GTPBP6: variants seen among roughly 807,000 people sequenced by gnomAD.
The protein encoded by GTPBP6 is GTP binding protein 6, also known as putative GTP-binding protein 6.
Under a neutral mutation model 28.9 loss-of-function variants are expected in GTPBP6, and 33 were observed. The ratio of observed to expected loss-of-function variants is 1.14; its 90% CI spans 0.87 to 1.53. GTPBP6 has a LOEUF of 1.53. Among genes scored for constraint, GTPBP6 ranks in the 40% most tolerant of loss-of-function variants. The pLI is 0.00. For missense variants in GTPBP6, 507 were observed against 408.3 expected (o/e 1.24, Z -2.08); for synonymous variants, 231 against 192.7 (o/e 1.20, Z -1.65).
chrX:317,325 C>T (rs2070456288), intron 1 of GTPBP6, among the ~76,000 whole-genome samples: 1 of 150,198 alleles, frequency 6.7e-6, no homozygotes, highest in African/African-American at 2.5e-5. Context: ...CCGGGAGCTG[C>T]GGGTGCTCAG....
chrX:315,612 C>G (rs2070418007), intron 2 of GTPBP6, among the ~76,000 whole-genome samples: 2 of 150,088 alleles, frequency 1.3e-5, no homozygotes, highest in African/African-American at 2.5e-5. Context: ...CAGGGACAGA[C>G]ACAGACACAC....
chrX:315,094 G>A (rs1397011155), intron 3 of GTPBP6, 74 bp from the exon 4 acceptor site: 122 of 398,598 alleles, frequency 3.1e-4, no homozygotes, highest in Non-Finnish European at 2.4e-4. Flanking sequence ...GAGGAAGGAG[G>A]ACGTCTCTAA....
intron 2 of GTPBP6, among the ~76,000 whole-genome samples, chrX:316,148 G>C (rs1263361394): frequency 0.24 from 1,701 of 7,026 alleles, 234 homozygotes; most frequent in Non-Finnish European, 0.38. Flanking sequence ...CACACACACA[G>C]TAAATACATC....
At chrX:305,010 G>A (rs1408857782) in exon 10 of GTPBP6, 1 of 1,590,162 alleles carries the variant, frequency 6.3e-7, no homozygotes, top group East Asian at 2.3e-5. Flanking sequence ...CCCCAACACA[G>A]CGGTAACGCC....
At chrX:311,319 GGTGTCCGAGGGCCCGACCCCTGGCTGTGT>G (rs2070288506) in intron 7 of GTPBP6, 71 bp downstream of exon 7, 14 of 739,072 alleles carry the variant, frequency 1.9e-5, no homozygotes, top group Non-Finnish European at 2.6e-5. Context: ...GGGCTGAGTG[GGTGTCCGAGGGCCCGACCCCTGGCTGTGT>G]GTGTCTGAGT....
chrX:308,001 C>T (rs1312119795), intron 7 of GTPBP6, 121 bp from the exon 8 acceptor site: 16 of 878,338 alleles, frequency 1.8e-5, no homozygotes, highest in East Asian at 6.1e-5. Context: ...ATGGGAGGTA[C>T]GCCTGTGTGC....
At chrX:315,194 C>T (rs1164635694) in intron 3 of GTPBP6, 35 bp downstream of exon 3, 18 of 398,664 alleles carry the variant, frequency 4.5e-5, no homozygotes, top group East Asian at 2.9e-4. Flanking sequence ...GCGTGGAGTG[C>T]GGGGACAAAC....
At chrX:309,727 C>T (rs1251671407) in intron 7 of GTPBP6, among the ~76,000 whole-genome samples, 2 of 142,660 alleles carry the variant, frequency 1.4e-5, no homozygotes, top group Admixed American at 7.2e-5. Flanking sequence ...TCACCTAGAG[C>T]CTCCAGAAGG....
At chrX:315,679 AAC>A (rs2070420459) in intron 2 of GTPBP6, among the ~76,000 whole-genome samples, 14 of 32,068 alleles carry the variant, frequency 4.4e-4, no homozygotes, top group Non-Finnish European at 4.6e-4. Context: ...CAGGGACACA[AAC>A]ACATACACAC....
At chrX:305,659 T>A (rs2070146479) in intron 9 of GTPBP6, among the ~76,000 whole-genome samples, 1 of 144,200 alleles carries the variant, frequency 6.9e-6, no homozygotes, top group Non-Finnish European at 1.5e-5. Flanking sequence ...AGAGTCTCGC[T>A]CTGTCGCCAG....
exon 9 of GTPBP6, chrX:307,372 C>G: frequency 3.1e-6 from 5 of 1,612,292 alleles, no homozygotes; most frequent in African/African-American, 1.3e-5. Flanking sequence ...GAGCTGCGCC[C>G]CTGCGAGCCT....
intron 7 of GTPBP6, among the ~76,000 whole-genome samples, chrX:311,201 G>GTGGGTGTCCAAA (rs1324652984): frequency 1.4e-5 from 2 of 141,902 alleles, no homozygotes; most frequent in South Asian, 2.3e-4. Flanking sequence ...GGGTGTCTGA[G>GTGGGTGTCCAAA]GGCCCGGCCC....
chrX:317,569 T>TGTGGG (rs2070460815), intron 1 of GTPBP6, among the ~76,000 whole-genome samples: 1 of 117,548 alleles, frequency 8.5e-6, no homozygotes, highest in African/African-American at 3.2e-5. Context: ...GGGTGGGGGG[T>TGTGGG]GGGACTAGAC....
chrX:312,612 C>T (rs752235612), intron 6 of GTPBP6, 154 bp downstream of exon 6: 86 of 794,292 alleles, frequency 1.1e-4, no homozygotes, highest in Middle Eastern at 2.3e-4. Context: ...GTACCCCACA[C>T]GGCGACCATG....
At chrX:309,347 G>A (rs1320922870) in intron 7 of GTPBP6, among the ~76,000 whole-genome samples, 4 of 152,132 alleles carry the variant, frequency 2.6e-5, no homozygotes, top group Non-Finnish European at 5.9e-5. Context: ...ACATCCACCA[G>A]CAGCCTCAGA....
At chrX:307,589 T>C in intron 8 of GTPBP6, 77 bp from the exon 9 acceptor site, 1 of 1,515,458 alleles carries the variant, frequency 6.6e-7, no homozygotes, top group Admixed American at 1.9e-5. Context: ...AGGAGTCCAC[T>C]GCCCACGGGG....
chrX:315,233 G>C (rs1223092349), exon 3 of GTPBP6: 11 of 398,524 alleles, frequency 2.8e-5, no homozygotes, highest in South Asian at 2.5e-4. Context: ...TGGTACCTTG[G>C]TCGGGGCAGC....
chrX:314,151 T>A, exon 5 of GTPBP6: 2 of 1,611,354 alleles, frequency 1.2e-6, no homozygotes, highest in Non-Finnish European at 1.7e-6. Context: ...CCGAGTTACC[T>A]GACCCCATGA....
At chrX:316,557 G>A (rs1335080200) in intron 2 of GTPBP6, among the ~76,000 whole-genome samples, 4 of 152,304 alleles carry the variant, frequency 2.6e-5, no homozygotes, top group African/African-American at 9.6e-5. Context: ...CACCCTAAGA[G>A]ACTGCTGGTG....
Sources: gnomAD v4.1 joint callset for allele counts (sites outside exome capture counted in the v4.1 genomes callset) on GRCh38, gnomAD v4.1.1 for gene constraint, MANE v1.5 for transcripts, NCBI Gene and HGNC (gene_info 2026-07-23, HGNC 2026-07-21) for gene names.